KLHL13: variants seen among roughly 807,000 people sequenced by gnomAD.
The protein encoded by KLHL13 is kelch like family member 13.
Under a neutral mutation model 37.1 loss-of-function variants are expected in KLHL13, and 10 were observed. That is an observed-to-expected ratio of 0.27 (90% CI 0.17 to 0.46). The LOEUF is 0.46. Ranked by LOEUF, KLHL13 falls within the 20% of genes least tolerant of loss-of-function variation. The pLI, the probability that KLHL13 is intolerant of heterozygous loss-of-function variation, is 1.00. For missense variants in KLHL13, 360 were observed against 509.3 expected (o/e 0.71, Z 2.82); for synonymous variants, 163 against 181.2 (o/e 0.90, Z 0.81).
chrX:117,998,115 C>CA (rs2053876582), intron 1 of KLHL13, among the ~76,000 whole-genome samples: 1 of 111,460 alleles, frequency 9.0e-6, no homozygotes, highest in African/African-American at 3.3e-5. Flanking sequence ...AGTGAGAACT[C>CA]ACAGTTAAGG....
In KLHL13 at chrX:117,964,379, T is replaced by G. The variant is rs752183172; in HGVS notation, c.98+8352A>C. 1.9e-4 allele frequency among the ~76,000 whole-genome samples: 21 copies of G among 111,957 alleles called. No homozygotes were observed. In the South Asian group the frequency reaches 7.6e-3, roughly 40 times the overall value. On this transcript the variant is annotated intron_variant, in intron 1 of 6. Transcript: ENST00000262820. The stretch of plus-strand genomic sequence containing the variant: ...CAAGAATTTATTTAACCTGTTTGTC[T>G]TGGTTCCAAATTTTCACAGCAGGAG...
chrX:117,918,910 GTA>G (rs2147687677), intron 4 of KLHL13, among the ~76,000 whole-genome samples: 1 of 112,250 alleles, frequency 8.9e-6, no homozygotes, highest in Non-Finnish European at 1.9e-5. Context: ...AAGCCTGCTT[GTA>G]TAGTCATTAA....
At chrX:117,971,561 G>A (rs1385455388) in intron 1 of KLHL13, among the ~76,000 whole-genome samples, 3 of 110,427 alleles carry the variant, frequency 2.7e-5, no homozygotes, top group Non-Finnish European at 3.8e-5. Context: ...GAGCATAAAC[G>A]GAAAGGAGCA....
chrX:118,116,378 T>C (rs2055469031), intron 1 of KLHL13, 130 bp downstream of exon 1: 1 of 112,697 alleles, frequency 8.9e-6, no homozygotes, highest in Non-Finnish European at 1.9e-5. Context: ...AAAATGAAGC[T>C]GTTTCCCTGC....
intron 5 of KLHL13, among the ~76,000 whole-genome samples, chrX:117,907,351 A>G (rs1351063850): frequency 8.9e-6 from 1 of 111,780 alleles, no homozygotes; most frequent in African/African-American, 3.2e-5. Context: ...AATTAGTATT[A>G]GGAACTATAT....
At chrX:117,902,019 G>A in intron 5 of KLHL13, 73 bp from the exon 7 acceptor site, 1 of 535,030 alleles carries the variant, frequency 1.9e-6, no homozygotes, top group African/African-American at 2.4e-5. Context: ...TCTCTTAAGT[G>A]GAACAGTAAT....
chrX:118,040,920 T>A (rs1400214073), intron 1 of KLHL13, among the ~76,000 whole-genome samples: 1 of 111,867 alleles, frequency 8.9e-6, no homozygotes, highest in Non-Finnish European at 1.9e-5. Flanking sequence ...ATTTAAAGTG[T>A]TGAAGGAAAA....
chrX:117,901,903 A>G, exon 6 of KLHL13: 1 of 1,193,346 alleles, frequency 8.4e-7, no homozygotes, highest in Non-Finnish European at 1.1e-6. Context: ...TTTTGGCAAC[A>G]TAGGTCCATT....
At chrX:118,099,557 C>A (rs753469081) in intron 1 of KLHL13, among the ~76,000 whole-genome samples, 1 of 111,434 alleles carries the variant, frequency 9.0e-6, no homozygotes, top group East Asian at 2.8e-4. Context: ...CACCTATAAT[C>A]TCAGCACTTT....
In KLHL13 at chrX:117,949,739, C is replaced by T. The variant is rs144704330; in HGVS notation, c.99-4164G>A. ...TCTTGGTTTCTATCATTGCAAATAGCAGTTCATGTTATACAGAAACCCAGG... is the reference window on the plus strand; with the variant it reads ...TCTTGGTTTCTATCATTGCAAATAGTAGTTCATGTTATACAGAAACCCAGG... On this transcript the variant is annotated intron_variant, in intron 1 of 6. Coordinates refer to ENST00000262820, the Ensembl canonical transcript of KLHL13. Among the ~76,000 whole-genome samples the T allele has an allele frequency of 1.1e-4, 12 of 112,141 alleles. No individual in the cohort carries two copies. In the East Asian group the frequency reaches 3.4e-3, roughly 31 times the overall value.
At chrX:118,103,461 T>C (rs17243420) in intron 1 of KLHL13, among the ~76,000 whole-genome samples, 5,604 of 111,341 alleles carry the variant, frequency 0.05, 151 homozygotes, top group Middle Eastern at 0.12. Flanking sequence ...AAGTAGATAA[T>C]AGGCATTTAA....
intron 1 of KLHL13, among the ~76,000 whole-genome samples, chrX:118,071,514 T>G (rs1005856521): frequency 3.9e-4 from 44 of 112,029 alleles, no homozygotes; most frequent in African/African-American, 1.4e-3. Flanking sequence ...CCAGTGATGG[T>G]GAGCATTTTT....
At chrX:117,993,322 G>C (rs2053815794) in intron 1 of KLHL13, among the ~76,000 whole-genome samples, 1 of 111,751 alleles carries the variant, frequency 8.9e-6, no homozygotes, top group African/African-American at 3.3e-5. Context: ...AGACAAAATT[G>C]ACAGGATTTA....
intron 2 of KLHL13, among the ~76,000 whole-genome samples, chrX:117,921,012 T>C (rs1243543636): frequency 9.0e-6 from 1 of 111,640 alleles, no homozygotes; most frequent in Non-Finnish European, 1.9e-5. Flanking sequence ...TGAGACTTAA[T>C]TGTCTCCAAA....
At chrX:117,915,156 GA>G (rs745478297) in intron 4 of KLHL13, among the ~76,000 whole-genome samples, 10 of 108,161 alleles carry the variant, frequency 9.2e-5, no homozygotes, top group South Asian at 4.0e-4. Context: ...CCTCAAAAGT[GA>G]AAAAAAAATC....
chrX:117,989,666 T>G (rs962853063), intron 1 of KLHL13, among the ~76,000 whole-genome samples: 2 of 111,115 alleles, frequency 1.8e-5, no homozygotes, highest in African/African-American at 6.5e-5. Context: ...TTTCTTGGCA[T>G]ACATTTCAAA....
intron 1 of KLHL13, among the ~76,000 whole-genome samples, chrX:118,017,810 T>C (rs180694886): frequency 8.9e-6 from 1 of 111,741 alleles, no homozygotes; most frequent in South Asian, 3.7e-4. Flanking sequence ...GATTGTACAG[T>C]GTTTGGCACT....
chrX:118,013,755 C>T (rs778454625), intron 1 of KLHL13, among the ~76,000 whole-genome samples: 2 of 112,338 alleles, frequency 1.8e-5, no homozygotes, highest in Admixed American at 9.4e-5. Flanking sequence ...TCAGAGACCC[C>T]GAACGGAGAG....
chrX:117,930,270 AAGGAAGGAAGGAAGGAAGGAAGGC>A (rs1932360011), intron 2 of KLHL13, among the ~76,000 whole-genome samples: 1 of 89,584 alleles, frequency 1.1e-5, no homozygotes, highest in African/African-American at 4.8e-5. Flanking sequence ...GGAAGGAAGG[AAGGAAGGAAGGAAGGAAGGAAGGC>A]AGGCAGGCAG....
Sources: gnomAD v4.1 joint callset for allele counts (sites outside exome capture counted in the v4.1 genomes callset) on GRCh38, gnomAD v4.1.1 for gene constraint, MANE v1.5 for transcripts, NCBI Gene and HGNC (gene_info 2026-07-23, HGNC 2026-07-21) for gene names.